ZSWIM7: variants seen among roughly 807,000 people sequenced by gnomAD.
ZSWIM7 encodes zinc finger SWIM-type containing 7.
A neutral mutation model predicts 21.1 loss-of-function variants in ZSWIM7; 22 were observed. That is an observed-to-expected ratio of 1.04 (90% CI 0.74 to 1.49). The LOEUF is 1.49. ZSWIM7 is among the 40% of genes most tolerant of loss of function. ZSWIM7 has a pLI of 0.00. For synonymous variants in ZSWIM7, 67 were observed against 66.5 expected (o/e 1.01, Z -0.04); for missense variants, 193 against 168.0 (o/e 1.15, Z -0.82).
intron 2 of ZSWIM7, among the ~76,000 whole-genome samples, chr17:15,992,651 C>T (rs940620026): frequency 2.0e-5 from 3 of 152,080 alleles, no homozygotes; most frequent in African/African-American, 7.2e-5. Flanking sequence ...GTTGGTCAGG[C>T]TGGTCTTGTA....
At chr17:15,986,107 G>A (rs956434284) in intron 3 of ZSWIM7, among the ~76,000 whole-genome samples, 4 of 152,084 alleles carry the variant, frequency 2.6e-5, no homozygotes, top group Non-Finnish European at 5.9e-5. Flanking sequence ...GCAATGGTGC[G>A]ATCTCCGCTC....
At chr17:15,980,100 T>C in intron 4 of ZSWIM7, 1 of 149,548 alleles carries the variant, frequency 6.7e-6, no homozygotes, top group Non-Finnish European at 1.4e-5. Context: ...CACTTCCCAG[T>C]AGGGGCGGCC....
chr17:15,992,051 C>A (rs112909984), intron 2 of ZSWIM7, among the ~76,000 whole-genome samples: 15,919 of 151,788 alleles, frequency 0.1, 2,327 homozygotes, highest in African/African-American at 0.33. Flanking sequence ...CTCAGCCCCC[C>A]GAATAGCTGG....
At chr17:15,987,443 T>A in intron 2 of ZSWIM7, 75 bp from the exon 3 acceptor site, 1 of 1,204,318 alleles carries the variant, frequency 8.3e-7, no homozygotes, top group Non-Finnish European at 1.2e-6. Flanking sequence ...AAAGGATCAC[T>A]AGACTTAGTA....
chr17:15,984,461 AC>A (rs1362761714), intron 3 of ZSWIM7, among the ~76,000 whole-genome samples: 2 of 152,228 alleles, frequency 1.3e-5, no homozygotes, highest in Non-Finnish European at 2.9e-5. Flanking sequence ...GGATACTCAG[AC>A]CATGGCTGAC....
In ZSWIM7 at chr17:15,977,092, CCTGTTGTA is replaced by C. The variant is rs1228969323; in HGVS notation, c.*947_*954del. 6.6e-6 allele frequency: 1 copy of C among 152,018 alleles called. No individual in the cohort carries two copies. Among genetic ancestry groups the C allele is most frequent in the Non-Finnish European group, 1.5e-5 (1 of 68,018 alleles). 9.4% of individuals were successfully genotyped at this position (152,018 alleles called of 1,614,324 possible). A position where few individuals can be genotyped will look rare whatever the true frequency, so the allele number is the denominator to read the frequency against. ...ATTTTTAGTCTGTTCCTTCAATTGC[CCTGTTGTA>C]AAGATCAGAAGTGCAGAGTGAAACC... On this transcript the variant is annotated 3_prime_UTR_variant, in exon 5 of 5. Coordinates refer to ENST00000399277, the MANE Select transcript of ZSWIM7 (RefSeq NM_001042697.2).
At chr17:15,985,785 T>A (rs941816771) in intron 3 of ZSWIM7, among the ~76,000 whole-genome samples, 1 of 152,216 alleles carries the variant, frequency 6.6e-6, no homozygotes, top group African/African-American at 2.4e-5. Flanking sequence ...TCAAGTATTG[T>A]GCCCATAATG....
intron 2 of ZSWIM7, among the ~76,000 whole-genome samples, chr17:15,989,080 C>T (rs1363295278): frequency 2.0e-5 from 3 of 152,096 alleles, no homozygotes; most frequent in African/African-American, 4.8e-5. Flanking sequence ...CATGTCCCCA[C>T]TAACACCAGT....
At chr17:15,982,487 T>C (rs572439642) in intron 3 of ZSWIM7, among the ~76,000 whole-genome samples, 1 of 152,272 alleles carries the variant, frequency 6.6e-6, no homozygotes, top group Non-Finnish European at 1.5e-5. Flanking sequence ...AATTACAATG[T>C]TAGCACTCCT....
Position 15,999,686 on chromosome 17 carries a change from G to C in ZSWIM7, c.-92C>G, listed in dbSNP as rs1014762056. Reference sequence around the variant, plus strand: ...TGTGGAGGATCCTGACCCCCCGCCGGGGCAGGGCGAGACGGAGTGACGTCG... The same window carrying C: ...TGTGGAGGATCCTGACCCCCCGCCGCGGCAGGGCGAGACGGAGTGACGTCG... On this transcript the variant is annotated 5_prime_UTR_variant, in exon 1 of 5. Transcript: ENST00000399277. 1.3e-6 allele frequency: 2 copies of C among 1,557,860 alleles called. No homozygotes were observed. Among genetic ancestry groups the C allele is most frequent in the Non-Finnish European group, 8.7e-7 (1 of 1,151,568 alleles).
Position 15,987,243 on chromosome 17 carries a change from C to A in ZSWIM7, c.201+23G>T, listed in dbSNP as rs994767569. The A allele has an allele frequency of 2.5e-6, 4 of 1,581,404 alleles. No homozygotes were observed. The African/African-American group carries it at 4.1e-5, about 16-fold the overall frequency. On this transcript the variant is annotated intron_variant, in intron 3 of 4. Transcript: ENST00000399277. ...TGTCCTAAGGGGTTTCTGTAGGGATCACCCCCATCTCTAGACTTCTACCTG... is the reference window on the plus strand; with the variant it reads ...TGTCCTAAGGGGTTTCTGTAGGGATAACCCCCATCTCTAGACTTCTACCTG...
chr17:15,992,070 G>A (rs900381109), intron 2 of ZSWIM7, among the ~76,000 whole-genome samples: 2 of 151,920 alleles, frequency 1.3e-5, no homozygotes, highest in African/African-American at 4.8e-5. Flanking sequence ...GGGATTACAG[G>A]TGCCTGCCAC....
At chr17:15,999,468 G>A (rs1403362761) in intron 1 of ZSWIM7, 51 bp downstream of exon 1, 2 of 1,584,470 alleles carry the variant, frequency 1.3e-6, no homozygotes, top group Admixed American at 1.7e-5. Flanking sequence ...GCGGTGCCCG[G>A]ATGCCCCGCC....
rs1228329039 is a variant in ZSWIM7 at position 15,980,099 on chromosome 17, G to A, written c.306+941C>T. ...GGGCAGAGGGGCTCCTCACTTCCCA[G>A]TAGGGGCGGCCGGGCAGAGGCGCCC... On this transcript the variant is annotated intron_variant, in intron 4 of 4. Transcript: ENST00000399277. The A allele has an allele frequency of 1.9e-5, 3 of 154,714 alleles. No individual in the cohort carries two copies. In the Admixed American group the frequency reaches 2.0e-4, roughly 10 times the overall value. The allele number at this position is 154,714 out of a possible 1,614,324, so 9.6% of individuals were successfully genotyped here. A position where few individuals can be genotyped will look rare whatever the true frequency, so the allele number is the denominator to read the frequency against.
intron 4 of ZSWIM7, among the ~76,000 whole-genome samples, chr17:15,978,639 G>A (rs1334473757): frequency 6.6e-6 from 1 of 152,086 alleles, no homozygotes; most frequent in Non-Finnish European, 1.5e-5. Context: ...TGATGAGACA[G>A]GAGTATTCTC....
chr17:15,988,498 C>T (rs144843020), intron 2 of ZSWIM7, among the ~76,000 whole-genome samples: 48 of 152,146 alleles, frequency 3.2e-4, no homozygotes, highest in Middle Eastern at 3.4e-3. Context: ...TCATTTTCAA[C>T]TTTAATAGAT....
intron 1 of ZSWIM7, among the ~76,000 whole-genome samples, chr17:15,998,806 G>C (rs1402894304): frequency 6.7e-6 from 1 of 149,894 alleles, no homozygotes; most frequent in African/African-American, 2.5e-5. Flanking sequence ...CCAGGCTGGA[G>C]TGCAATGGCG....
chr17:15,981,094 G>A lies in ZSWIM7; in HGVS notation c.252C>T (p.Tyr84=), dbSNP rs370206246. The stretch of plus-strand genomic sequence containing the variant: ...AGAATGCAAATGCAGGACATGAACA[G>A]TAATGACAAGAAGCCAAACATGTGT... ...KTYTCLASCH[Y]CSCPAFAFSV... is the part of the protein sequence containing the mutation. Residue 84 remains tyrosine (Y), a synonymous_variant, in exon 4 of 5, where the codon TAC becomes TAT. Coordinates refer to ENST00000399277, the MANE Select transcript of ZSWIM7 (RefSeq NM_001042697.2). 2 of 1,613,832 alleles carry A rather than the reference G, an allele frequency of 1.2e-6. No homozygotes were observed. The highest frequency in any genetic ancestry group is 2.7e-5 in the African/African-American group (2 of 74,920).
Position 15,999,553 on chromosome 17 carries a change from G to T in ZSWIM7, c.42C>A (p.Ser14Arg), listed in dbSNP as rs1002928099. ...VLPAVVEELL[S>R]EMAAAVQESA... ...TCTCCTGCACCGCCGCCGCCATCTC[G>T]CTCAGGAGCTCCTCCACAACCGCCG... Residue 14 changes from serine to arginine, a missense_variant, in exon 1 of 5, where the codon AGC becomes AGA. Ser to Arg is a moderately radical substitution (Grantham distance 110, BLOSUM62 -1). Coordinates refer to ENST00000399277, the MANE Select transcript of ZSWIM7 (RefSeq NM_001042697.2). 8 of 1,594,614 alleles carry T rather than the reference G, an allele frequency of 5.0e-6. No homozygotes were observed. In the Admixed American group the frequency reaches 5.1e-5, roughly 10 times the overall value.
Sources: allele counts gnomAD v4.1 joint callset (sites outside exome capture counted in the v4.1 genomes callset), GRCh38; gene constraint gnomAD v4.1.1; transcripts MANE v1.5; gene names NCBI Gene and HGNC (gene_info 2026-07-23, HGNC 2026-07-21).